Variants in SLC2A13 observed in about 807,000 individuals in gnomAD.
The protein encoded by SLC2A13 is proton myo-inositol cotransporter.
A neutral mutation model predicts 64.4 loss-of-function variants in SLC2A13; 32 were observed. The ratio of observed to expected loss-of-function variants is 0.50; its 90% CI spans 0.37 to 0.67. SLC2A13 has a LOEUF of 0.67. Ranked by LOEUF, SLC2A13 falls within the 30% of genes least tolerant of loss-of-function variation. The probability of loss-of-function intolerance (pLI) is 0.00; values close to 1 mark genes in which losing one functional copy is unlikely to be tolerated. For synonymous variants in SLC2A13, 338 were observed against 327.1 expected (o/e 1.03, Z -0.36); for missense variants, 743 against 829.2 (o/e 0.90, Z 1.28).
intron 7 of SLC2A13, among the ~76,000 whole-genome samples, chr12:39,788,297 G>T (rs886702795): frequency 1.4e-4 from 21 of 152,132 alleles, no homozygotes; most frequent in Non-Finnish European, 2.6e-4. Context: ...ATAACAGTAT[G>T]CCAGTATCAC....
chr12:40,043,914 G>A (rs1262702960), intron 2 of SLC2A13, among the ~76,000 whole-genome samples: 1 of 152,092 alleles, frequency 6.6e-6, no homozygotes, highest in East Asian at 1.9e-4. Flanking sequence ...AAATAATACA[G>A]CCACTTTGGA....
intron 7 of SLC2A13, among the ~76,000 whole-genome samples, chr12:39,804,184 T>C (rs749052936): frequency 3.3e-5 from 5 of 152,050 alleles, no homozygotes; most frequent in Non-Finnish European, 7.4e-5. Context: ...ATACAGACAG[T>C]TGAAATATTT....
At chr12:40,075,463 A>G (rs983933549) in intron 1 of SLC2A13, among the ~76,000 whole-genome samples, 3 of 152,108 alleles carry the variant, frequency 2.0e-5, no homozygotes, top group Non-Finnish European at 2.9e-5. Flanking sequence ...AGAACTGCTG[A>G]TTTTTCAATT....
intron 7 of SLC2A13, among the ~76,000 whole-genome samples, chr12:39,801,396 A>G (rs996045247): frequency 1.3e-5 from 2 of 152,062 alleles, no homozygotes; most frequent in African/African-American, 4.8e-5. Flanking sequence ...GCAAAGGCAT[A>G]AACAAAACAT....
At chr12:40,001,469 T>C (rs1045983618) in intron 3 of SLC2A13, among the ~76,000 whole-genome samples, 7 of 152,216 alleles carry the variant, frequency 4.6e-5, no homozygotes, top group Non-Finnish European at 7.3e-5. Flanking sequence ...ATTTCCACAG[T>C]CTTCACCATT....
intron 4 of SLC2A13, among the ~76,000 whole-genome samples, chr12:39,917,719 C>G (rs1009319056): frequency 6.6e-6 from 1 of 152,030 alleles, no homozygotes; most frequent in Non-Finnish European, 1.5e-5. Context: ...CTGCTGACTC[C>G]TGGGTTTCCT....
intron 3 of SLC2A13, among the ~76,000 whole-genome samples, chr12:39,961,312 CAA>C (rs1946409299): frequency 6.6e-6 from 1 of 151,932 alleles, no homozygotes; most frequent in Non-Finnish European, 1.5e-5. Flanking sequence ...TTCCTGACCT[CAA>C]GTGATCTACC....
chr12:39,883,108 A>G (rs2135962325), intron 4 of SLC2A13, among the ~76,000 whole-genome samples: 1 of 152,324 alleles, frequency 6.6e-6, no homozygotes, highest in East Asian at 1.9e-4. Context: ...CTTTTAAAGT[A>G]TATAATTCAG....
chr12:39,889,061 T>C (rs1163758001), intron 4 of SLC2A13, among the ~76,000 whole-genome samples: 2 of 152,158 alleles, frequency 1.3e-5, no homozygotes, highest in African/African-American at 2.4e-5. Context: ...GATGTGGTTT[T>C]AGATATATTT....
At chr12:40,047,551 T>C (rs973467902) in intron 2 of SLC2A13, among the ~76,000 whole-genome samples, 8 of 152,206 alleles carry the variant, frequency 5.3e-5, no homozygotes, top group African/African-American at 1.9e-4. Flanking sequence ...CATTTATTGA[T>C]TCAAAATAAG....
chr12:39,832,808 C>T (rs57895284), intron 6 of SLC2A13, among the ~76,000 whole-genome samples: 2,411 of 152,106 alleles, frequency 0.016, 62 homozygotes, highest in African/African-American at 0.055. Flanking sequence ...TTCCATTATA[C>T]CCATCTGGTA....
intron 3 of SLC2A13, among the ~76,000 whole-genome samples, chr12:40,017,008 C>T (rs1463646406): frequency 6.6e-6 from 1 of 152,140 alleles, no homozygotes; most frequent in East Asian, 1.9e-4. Flanking sequence ...AGTCATTGTG[C>T]ACTGACTTAT....
chr12:40,016,999 G>A (rs1024626457), intron 3 of SLC2A13, among the ~76,000 whole-genome samples: 8 of 152,084 alleles, frequency 5.3e-5, no homozygotes, highest in Admixed American at 1.3e-4. Context: ...TCAACAAATA[G>A]TCATTGTGCA....
At chr12:39,999,300 G>A (rs931548328) in intron 3 of SLC2A13, among the ~76,000 whole-genome samples, 1 of 152,082 alleles carries the variant, frequency 6.6e-6, no homozygotes, top group Non-Finnish European at 1.5e-5. Context: ...CTGCCCGCGG[G>A]GTCAGGCAAA....
intron 4 of SLC2A13, among the ~76,000 whole-genome samples, chr12:39,920,948 C>T (rs1945605329): frequency 6.6e-6 from 1 of 152,024 alleles, no homozygotes; most frequent in African/African-American, 2.4e-5. Context: ...CAGACCTCCA[C>T]AACTTCAGCA....
intron 2 of SLC2A13, among the ~76,000 whole-genome samples, chr12:40,029,572 G>A (rs1022626837): frequency 7.2e-5 from 11 of 152,110 alleles, no homozygotes; most frequent in African/African-American, 2.7e-4. Context: ...TAAACTGATA[G>A]TAGCCTTAAA....
chr12:39,840,999 C>G (rs1943164153), intron 6 of SLC2A13, among the ~76,000 whole-genome samples: 1 of 152,118 alleles, frequency 6.6e-6, no homozygotes, highest in Non-Finnish European at 1.5e-5. Context: ...AAGCTTGAAT[C>G]ACACCATGAA....
intron 7 of SLC2A13, among the ~76,000 whole-genome samples, chr12:39,790,059 C>G (rs1941328320): frequency 6.6e-6 from 1 of 150,526 alleles, no homozygotes; most frequent in African/African-American, 2.4e-5. Context: ...CCAATATATC[C>G]TAAATATTTT....
At chr12:39,911,243 T>G (rs1034981505) in intron 4 of SLC2A13, among the ~76,000 whole-genome samples, 1 of 152,128 alleles carries the variant, frequency 6.6e-6, no homozygotes, top group Non-Finnish European at 1.5e-5. Context: ...CGACTATATT[T>G]ATCTTAAAAA....
Sources: allele counts gnomAD v4.1 joint callset (sites outside exome capture counted in the v4.1 genomes callset), GRCh38; gene constraint gnomAD v4.1.1; transcripts MANE v1.5; gene names NCBI Gene and HGNC (gene_info 2026-07-23, HGNC 2026-07-21).